The following CSMD3 variants were observed in gnomAD, a reference collection of about 807,000 sequenced individuals.
The protein encoded by CSMD3 is CUB and sushi domain-containing protein 3.
In CSMD3, 177 loss-of-function variants were observed where a neutral mutation model predicts 435.2. That is an observed-to-expected ratio of 0.41 (90% CI 0.36 to 0.46). CSMD3 has a LOEUF of 0.46. CSMD3 is among the 20% of genes least tolerant of loss of function. The pLI, the probability that CSMD3 is intolerant of heterozygous loss-of-function variation, is 0.34. For synonymous variants in CSMD3, 1,656 were observed against 1,520.5 expected, an observed-to-expected ratio of 1.09 and a Z score of -2.07; for missense variants, 4,265 against 4,504.6, an observed-to-expected ratio of 0.95 and a Z score of 1.52.
chr8:112,278,103 T>C (rs912710414), intron 59 of CSMD3, among the ~76,000 whole-genome samples: 1 of 152,178 alleles, frequency 6.6e-6, no homozygotes, highest in African/African-American at 2.4e-5. Context: ...TCAGTCAATA[T>C]GGAACCAATT....
chr8:113,106,923 T>C (rs112757357), intron 4 of CSMD3, among the ~76,000 whole-genome samples: 1 of 152,260 alleles, frequency 6.6e-6, no homozygotes, highest in African/African-American at 2.4e-5. Context: ...TACAATTCAA[T>C]GCCTTTTAGT....
rs74986725 is a variant in CSMD3, at chr8:113,098,183, G to T, written c.917+573C>A. 3.0e-4 allele frequency among the ~76,000 whole-genome samples: 46 copies of T among 152,012 alleles called. No individual in the cohort carries two copies. The East Asian group carries it at 8.7e-3, about 29-fold the overall frequency. On this transcript the variant is annotated intron_variant, in intron 5 of 70. Transcript: ENST00000297405. The stretch of plus-strand genomic sequence containing the variant: ...GTTTACCTATCTCTTTCCTTTATCA[G>T]TGTCATCTTATTCATTCTTTCACTC...
At chr8:112,378,983 C>T (rs1829218889) in intron 38 of CSMD3, among the ~76,000 whole-genome samples, 1 of 151,402 alleles carries the variant, frequency 6.6e-6, no homozygotes, top group Non-Finnish European at 1.5e-5. Context: ...ACTGTTAGAA[C>T]TAATAAATGA....
intron 1 of CSMD3, among the ~76,000 whole-genome samples, chr8:113,412,231 C>T (rs536257428): frequency 6.6e-6 from 1 of 152,078 alleles, no homozygotes; most frequent in South Asian, 2.1e-4. Flanking sequence ...TGAGTCATAT[C>T]AATCATATGC....
At chr8:113,215,488 G>A (rs1195573650) in intron 3 of CSMD3, among the ~76,000 whole-genome samples, 2 of 151,124 alleles carry the variant, frequency 1.3e-5, no homozygotes, top group African/African-American at 2.4e-5. Flanking sequence ...CAAATTAATT[G>A]TAGGTGACCT....
chr8:113,166,143 A>G (rs2092144556), intron 4 of CSMD3, among the ~76,000 whole-genome samples: 1 of 152,130 alleles, frequency 6.6e-6, no homozygotes, highest in Non-Finnish European at 1.5e-5. Flanking sequence ...GAGTTTCATG[A>G]GGCCTGTAGC....
chr8:112,319,732 C>T (rs1240936006), intron 46 of CSMD3, among the ~76,000 whole-genome samples, 169 bp downstream of exon 46: 1 of 152,128 alleles, frequency 6.6e-6, no homozygotes, highest in African/African-American at 2.4e-5. Context: ...CTAATAATCC[C>T]TTTCCTCTTT....
rs374006415 is a variant in CSMD3 at position 112,582,670 on chromosome 8, C to T, written c.3885+4396G>A. 8.6e-5 allele frequency among the ~76,000 whole-genome samples: 13 copies of T among 152,038 alleles called. No homozygotes were observed. The South Asian group carries it at 2.3e-3, about 27-fold the overall frequency. The stretch of plus-strand genomic sequence containing the variant: ...GTCACTTTTGTTGTTGATTTGGAAA[C>T]AGTCTATAGAGTATGCTATGGTCTC... On this transcript the variant is annotated intron_variant, in intron 23 of 70. Transcript: ENST00000297405.
At chr8:112,421,126 C>A (rs1812449751) in intron 32 of CSMD3, among the ~76,000 whole-genome samples, 1 of 152,044 alleles carries the variant, frequency 6.6e-6, no homozygotes, top group South Asian at 2.1e-4. Flanking sequence ...CATCACCAGT[C>A]ATCTCTTTAA....
chr8:113,333,156 G>A (rs951271836), intron 1 of CSMD3, among the ~76,000 whole-genome samples: 1 of 151,474 alleles, frequency 6.6e-6, no homozygotes, highest in African/African-American at 2.4e-5. Context: ...AAATTTGAAA[G>A]GTTGTATATA....
chr8:113,051,186 G>GA (rs2088073089), intron 5 of CSMD3, among the ~76,000 whole-genome samples: 1 of 152,056 alleles, frequency 6.6e-6, no homozygotes, highest in African/African-American at 2.4e-5. Flanking sequence ...GTCCTACAAT[G>GA]AAAAAATACG....
chr8:112,360,306 G>C (rs982637642), intron 38 of CSMD3, among the ~76,000 whole-genome samples: 1 of 151,862 alleles, frequency 6.6e-6, no homozygotes, highest in East Asian at 1.9e-4. Flanking sequence ...ATCCAGTAGC[G>C]ACAGTTTCCT....
intron 1 of CSMD3, among the ~76,000 whole-genome samples, chr8:113,354,459 A>C (rs1046004888): frequency 2.0e-5 from 3 of 152,216 alleles, no homozygotes; most frequent in Non-Finnish European, 4.4e-5. Context: ...CTGAAAAAGG[A>C]GTACAGACTA....
intron 3 of CSMD3, among the ~76,000 whole-genome samples, chr8:113,270,536 T>C (rs958534728): frequency 1.3e-4 from 20 of 152,150 alleles, no homozygotes; most frequent in Admixed American, 4.6e-4. Context: ...GTATGTTTAT[T>C]GTGGCACTAT....
chr8:113,157,644 A>G (rs1363676709), intron 4 of CSMD3, among the ~76,000 whole-genome samples: 1 of 152,124 alleles, frequency 6.6e-6, no homozygotes, highest in African/African-American at 2.4e-5. Context: ...GAAGAAAACA[A>G]TGGTACATTT....
intron 4 of CSMD3, among the ~76,000 whole-genome samples, chr8:113,155,850 G>C (rs2091918765): frequency 6.6e-6 from 1 of 152,002 alleles, no homozygotes; most frequent in Admixed American, 6.6e-5. Context: ...CAAGATTTAG[G>C]CTTCTCAGTC....
chr8:112,864,227 T>C (rs2080910633), intron 10 of CSMD3, among the ~76,000 whole-genome samples: 1 of 150,816 alleles, frequency 6.6e-6, no homozygotes, highest in South Asian at 2.1e-4. Flanking sequence ...GTTTCTTTCT[T>C]TTTTTTGTTT....
At chr8:113,024,872 C>G (rs1233705673) in intron 5 of CSMD3, among the ~76,000 whole-genome samples, 1 of 152,092 alleles carries the variant, frequency 6.6e-6, no homozygotes, top group Non-Finnish European at 1.5e-5. Flanking sequence ...CATCATCCAC[C>G]CCTCTGCCAT....
chr8:113,110,501 A>G (rs1161743006), intron 4 of CSMD3, among the ~76,000 whole-genome samples: 1 of 152,152 alleles, frequency 6.6e-6, no homozygotes, highest in Admixed American at 6.5e-5. Context: ...CCTTTTCTCT[A>G]GTTTCTAATA....
Sources: gnomAD v4.1 joint callset for allele counts (sites outside exome capture counted in the v4.1 genomes callset) on GRCh38, gnomAD v4.1.1 for gene constraint, MANE v1.5 for transcripts, NCBI Gene and HGNC (gene_info 2026-07-23, HGNC 2026-07-21) for gene names.